ZEB2: variants seen among roughly 807,000 people sequenced by gnomAD.
ZEB2 encodes the protein zinc finger E-box binding homeobox 2, also known as zinc finger E-box-binding homeobox 2.
ZEB2 carries 6 observed loss-of-function variants against 99.9 expected under a neutral mutation model. The ratio of observed to expected loss-of-function variants is 0.06; its 90% CI spans 0.03 to 0.12. The LOEUF is 0.12. ZEB2 is among the 10% of genes least tolerant of loss of function. ZEB2 has a pLI of 1.00. For synonymous variants in ZEB2, 517 were observed against 542.5 expected, an observed-to-expected ratio of 0.95 and a Z score of 0.65; for missense variants, 969 against 1,502.8, an observed-to-expected ratio of 0.64 and a Z score of 5.87.
intron 4 of ZEB2, 106 bp from the exon 5 acceptor site, chr2:144,405,130 CA>C (rs1449536545): frequency 8.5e-7 from 1 of 1,175,368 alleles, no homozygotes; most frequent in Admixed American, 2.0e-5. Flanking sequence ...CAATAGACTA[CA>C]AAACCTAGTT....
At chr2:144,497,005 C>T (rs1211103805) in intron 2 of ZEB2, 1 of 152,290 alleles carries the variant, frequency 6.6e-6, no homozygotes, top group African/African-American at 2.4e-5. Flanking sequence ...AAATCAAGCC[C>T]ATCCTCTTTG....
chr2:144,491,834 T>G (rs1392989063), intron 2 of ZEB2, among the ~76,000 whole-genome samples: 2 of 152,246 alleles, frequency 1.3e-5, no homozygotes, highest in Non-Finnish European at 2.9e-5. Context: ...TTTGAAGCTA[T>G]ACTCTAAACT....
chr2:144,452,763 C>G (rs1704071522), intron 2 of ZEB2, among the ~76,000 whole-genome samples: 1 of 152,028 alleles, frequency 6.6e-6, no homozygotes, highest in Admixed American at 6.6e-5. Context: ...TCTGACACCG[C>G]CAGGCAGCGA....
At chr2:144,469,689 A>G (rs1462988627) in intron 2 of ZEB2, among the ~76,000 whole-genome samples, 1 of 152,136 alleles carries the variant, frequency 6.6e-6, no homozygotes, top group Non-Finnish European at 1.5e-5. Context: ...AGCTCACTAA[A>G]TTATATTTTC....
intron 2 of ZEB2, among the ~76,000 whole-genome samples, chr2:144,515,545 G>A (rs1277985765): frequency 6.6e-6 from 1 of 150,814 alleles, no homozygotes; most frequent in African/African-American, 2.4e-5. Flanking sequence ...AAAGAGAGAG[G>A]GAGAGACTTA....
chr2:144,404,765 C>T, intron 5 of ZEB2, 71 bp downstream of exon 5: 1 of 1,543,492 alleles, frequency 6.5e-7, no homozygotes, highest in Non-Finnish European at 8.9e-7. Context: ...AACACCCAGG[C>T]ATGTAGTGCA....
intron 9 of ZEB2, chr2:144,390,511 G>A: frequency 4.4e-6 from 1 of 227,080 alleles, no homozygotes; most frequent in South Asian, 5.6e-5. Flanking sequence ...GGGGATCTTA[G>A]GTCTTAAATG....
chr2:144,440,515 ATTTTTTTTTTTTT>A (rs201944188), intron 2 of ZEB2, among the ~76,000 whole-genome samples: 1,033 of 32,668 alleles, frequency 0.032, 15 homozygotes, highest in South Asian at 0.089. Context: ...ATATATATAT[ATTTTTTTTTTTTT>A]TTTTTTTTTT....
intron 1 of ZEB2, chr2:144,517,916 T>C (rs1451555358): frequency 5.8e-6 from 2 of 344,000 alleles, no homozygotes; most frequent in East Asian, 5.1e-5. Context: ...AAATTGATAA[T>C]AGTAATTATA....
chr2:144,492,219 G>T (rs746084671), intron 2 of ZEB2, among the ~76,000 whole-genome samples: 14 of 152,218 alleles, frequency 9.2e-5, no homozygotes, highest in Non-Finnish European at 1.5e-4. Context: ...TCTAAGTACA[G>T]AAGGTACTTC....
In ZEB2 at chr2:144,503,353, G is replaced by C. The variant is rs116991059; in HGVS notation, c.73+13925C>G. On this transcript the variant is annotated intron_variant, in intron 2 of 9. Coordinates refer to ENST00000627532, the MANE Select transcript of ZEB2 (RefSeq NM_014795.4). ...CTGTGACAAGGCCAATATGCACATG[G>C]ATGATGCCAGCAAGGCATCTTCAGC... Among the ~76,000 whole-genome samples, 120 of 152,320 alleles carry C rather than the reference G, an allele frequency of 7.9e-4. No individual in the cohort carries two copies. In the East Asian group the frequency reaches 0.021, roughly 26 times the overall value.
At chr2:144,467,236 T>C (rs919215645) in intron 2 of ZEB2, among the ~76,000 whole-genome samples, 2 of 152,112 alleles carry the variant, frequency 1.3e-5, no homozygotes, top group Non-Finnish European at 2.9e-5. Context: ...TATAACCTGG[T>C]AGGTGGTTTA....
intron 4 of ZEB2, among the ~76,000 whole-genome samples, chr2:144,411,044 T>C (rs1703452974): frequency 7.8e-6 from 1 of 128,064 alleles, no homozygotes; most frequent in Admixed American, 8.4e-5. Context: ...GATTCTGCAA[T>C]ATACAGACAT....
chr2:144,493,615 G>A (rs1704713981), intron 2 of ZEB2, among the ~76,000 whole-genome samples: 1 of 152,306 alleles, frequency 6.6e-6, no homozygotes. Context: ...ATTGGAGCAG[G>A]AGTCTGGGTG....
intron 3 of ZEB2, among the ~76,000 whole-genome samples, chr2:144,425,595 T>A (rs536378581): frequency 7.9e-5 from 12 of 152,302 alleles, no homozygotes; most frequent in African/African-American, 2.4e-4. Flanking sequence ...ATATATATAA[T>A]GTTGAAGTTA....
At position 144,491,552 on chromosome 2, in the gene ZEB2, C is replaced by T. The variant is rs549473069; in HGVS notation, c.73+25726G>A. Among the ~76,000 whole-genome samples, 5 of 152,212 alleles carry T rather than the reference C, an allele frequency of 3.3e-5. No individual in the cohort carries two copies. In the South Asian group the frequency reaches 1.0e-3, roughly 32 times the overall value. On this transcript the variant is annotated intron_variant, in intron 2 of 9. Coordinates refer to ENST00000627532, the MANE Select transcript of ZEB2 (RefSeq NM_014795.4). ...TGGTGGTGATTTTCAGAGATTGAAA[C>T]ATTTAATCCATGCAAAGAAAACTAC...
intron 4 of ZEB2, among the ~76,000 whole-genome samples, chr2:144,418,266 A>T (rs1379646400): frequency 6.6e-6 from 1 of 152,234 alleles, no homozygotes; most frequent in Non-Finnish European, 1.5e-5. Flanking sequence ...AAGCCTCTCA[A>T]AATTGGTTAG....
At chr2:144,466,014 C>T (rs954681799) in intron 2 of ZEB2, among the ~76,000 whole-genome samples, 2 of 152,146 alleles carry the variant, frequency 1.3e-5, no homozygotes. Context: ...AGTGGATCAA[C>T]GGACTGAAAA....
At chr2:144,498,145 C>CTA (rs201598774) in intron 2 of ZEB2, among the ~76,000 whole-genome samples, 6,099 of 79,246 alleles carry the variant, frequency 0.077, 652 homozygotes, top group African/African-American at 0.16. Context: ...ATATAATATA[C>CTA]TATATATATA....
Sources: allele counts gnomAD v4.1 joint callset (sites outside exome capture counted in the v4.1 genomes callset), GRCh38; gene constraint gnomAD v4.1.1; transcripts MANE v1.5; gene names NCBI Gene and HGNC (gene_info 2026-07-23, HGNC 2026-07-21).